AGXT2: variants seen among roughly 807,000 people sequenced by gnomAD.
The protein encoded by AGXT2 is alanine--glyoxylate aminotransferase 2.
Under a neutral mutation model 62.5 loss-of-function variants are expected in AGXT2, and 61 were observed. That is an observed-to-expected ratio of 0.98 (90% confidence interval 0.79 to 1.21). The LOEUF is 1.21. Ranked by LOEUF, AGXT2 falls within the 50% of genes most tolerant of loss-of-function variation. AGXT2 has a pLI of 0.00. For synonymous variants in AGXT2, 243 were observed against 218.7 expected (o/e 1.11, Z -0.98); for missense variants, 666 against 641.5 (o/e 1.04, Z -0.41).
chr5:35,025,798 C>G lies in AGXT2; in HGVS notation c.928G>C (p.Val310Leu), dbSNP rs1292181527. The change falls in exon 9 of 14, where the codon GTG becomes CTG. Residue 310 changes from valine (V) to leucine (L), a missense_variant. Val to Leu is a conservative substitution (Grantham distance 32, BLOSUM62 1). Coordinates refer to ENST00000231420, the MANE Select transcript of AGXT2 (RefSeq NM_031900.4). ...KGFLKEAFEL[V>L]RARGGVCIAD... Reference sequence around the variant, plus strand: ...ATGCACACGCCTCCCCTTGCTCGCACCAGCTCAAAGGCTTCCTTTAGAAAC... The same window carrying G: ...ATGCACACGCCTCCCCTTGCTCGCAGCAGCTCAAAGGCTTCCTTTAGAAAC... 1.2e-6 allele frequency: 2 copies of G among 1,614,050 alleles called. No individual in the cohort carries two copies. Among genetic ancestry groups the G allele is most frequent in the East Asian group, 2.2e-5 (1 of 44,888 alleles).
intron 1 of AGXT2, among the ~76,000 whole-genome samples, chr5:35,046,881 G>A (rs528016213): frequency 3.9e-4 from 59 of 152,182 alleles, no homozygotes; most frequent in African/African-American, 1.3e-3. Flanking sequence ...GAGGAGGTGA[G>A]GCTCTCGTGA....
intron 4 of AGXT2, among the ~76,000 whole-genome samples, chr5:35,036,725 C>A (rs561805227): frequency 1.3e-5 from 2 of 152,308 alleles, no homozygotes; most frequent in East Asian, 3.9e-4. Context: ...GTTTCGCCAG[C>A]AATTCATAAA....
intron 12 of AGXT2, among the ~76,000 whole-genome samples, chr5:35,008,722 G>T (rs184555542): frequency 6.6e-6 from 1 of 152,292 alleles, no homozygotes; most frequent in Non-Finnish European, 1.5e-5. Context: ...GTGACATGTG[G>T]TATGAATTGA....
At position 35,040,644 on chromosome 5, in the gene AGXT2, T is replaced by G. The variant is rs1767948899; in HGVS notation, c.108A>C (p.Ser36=). 1 of 1,613,938 alleles carries G rather than the reference T, an allele frequency of 6.2e-7. No homozygotes were observed. The highest frequency in any genetic ancestry group is 8.5e-7 in the Non-Finnish European group (1 of 1,179,784). The change falls in exon 2 of 14, where the codon TCA becomes TCC. Residue 36 remains serine, a synonymous_variant. Coordinates refer to ENST00000231420, the MANE Select transcript of AGXT2 (RefSeq NM_031900.4). The part of the protein sequence containing the change: ...PFLSLGTSRT[S]VTKLSLHTKP... ...TTGTATGAAGACTGAGCTTGGTTACTGATGTCCGGGAAGTACCTACTGAAA... is the reference window on the plus strand; with the variant it reads ...TTGTATGAAGACTGAGCTTGGTTACGGATGTCCGGGAAGTACCTACTGAAA...
chr5:35,027,702 T>C (rs13158903), intron 7 of AGXT2, among the ~76,000 whole-genome samples: 46,677 of 151,188 alleles, frequency 0.31, 8,077 homozygotes, highest in Non-Finnish European at 0.39. Flanking sequence ...TTTGTGAGAA[T>C]TCTTTGAGGC....
chr5:35,008,658 G>A (rs548081968), intron 12 of AGXT2, among the ~76,000 whole-genome samples: 1 of 152,148 alleles, frequency 6.6e-6, no homozygotes, highest in African/African-American at 2.4e-5. Context: ...TATTTTACTG[G>A]TGTCTTCCCT....
At chr5:35,018,396 A>G (rs916971159) in intron 9 of AGXT2, among the ~76,000 whole-genome samples, 4 of 152,260 alleles carry the variant, frequency 2.6e-5, no homozygotes, top group African/African-American at 9.6e-5. Flanking sequence ...TCTACAAGCC[A>G]GAAGAGAGTG....
chr5:35,029,483 C>T (rs1278908849), intron 7 of AGXT2, among the ~76,000 whole-genome samples: 3 of 152,194 alleles, frequency 2.0e-5, no homozygotes, highest in Admixed American at 6.5e-5. Flanking sequence ...CTTTATTTCG[C>T]ACTAGCTGCA....
Position 35,035,239 on chromosome 5 carries a change from T to C in AGXT2, c.564A>G (p.Ile188Met). 1 of 1,614,144 alleles carries C rather than the reference T, an allele frequency of 6.2e-7. No homozygotes were observed. Residue 188 changes from isoleucine to methionine, a missense_variant, in exon 5 of 14, where the codon ATA (isoleucine) becomes ATG (methionine). Transcript: ENST00000231420. ...GTGATTACCTGAAAGAAATGATGTC[T>C]ATGTTGTTTGAGTGCGCCCTGGCCA... ...MLMARAHSNNIDIISFRGAYH... is the reference protein window; with the variant it reads ...MLMARAHSNNMDIISFRGAYH...
chr5:35,018,641 G>A (rs572403944), intron 9 of AGXT2, among the ~76,000 whole-genome samples: 99 of 151,636 alleles, frequency 6.5e-4, no homozygotes, highest in African/African-American at 1.3e-3. Flanking sequence ...AAAGACCATC[G>A]AGACTAGGAA....
intron 1 of AGXT2, among the ~76,000 whole-genome samples, chr5:35,042,594 A>T (rs1284250711): frequency 6.6e-6 from 1 of 152,196 alleles, no homozygotes; most frequent in Non-Finnish European, 1.5e-5. Flanking sequence ...GCCAGAAAAA[A>T]AATGAAAATC....
chr5:35,044,263 T>C (rs1441623486), intron 1 of AGXT2, among the ~76,000 whole-genome samples: 1 of 152,174 alleles, frequency 6.6e-6, no homozygotes, highest in Non-Finnish European at 1.5e-5. Context: ...AGGGACAGTG[T>C]CTGGTCGGTA....
In AGXT2 at chr5:35,007,427, G is replaced by T. The variant is rs574638480; in HGVS notation, c.1338+2573C>A. ...TACCAGAGGAATTCTCTGAAGGGTG[G>T]ATCTCCTGGATAGAGGAGAAGCAAA... On this transcript the variant is annotated intron_variant, in intron 12 of 13. Coordinates refer to ENST00000231420, the MANE Select transcript of AGXT2 (RefSeq NM_031900.4). Among the ~76,000 whole-genome samples the T allele has an allele frequency of 2.0e-5, 3 of 152,348 alleles. No individual in the cohort carries two copies. The South Asian group carries it at 6.2e-4, about 32-fold the overall frequency.
intron 9 of AGXT2, among the ~76,000 whole-genome samples, chr5:35,019,365 A>G (rs1471715354): frequency 1.3e-5 from 2 of 149,356 alleles, no homozygotes; most frequent in Non-Finnish European, 3.0e-5. Context: ...AGAAATTATA[A>G]CAAACTATCT....
chr5:35,018,072 G>C (rs965500712), intron 9 of AGXT2, among the ~76,000 whole-genome samples: 1 of 152,172 alleles, frequency 6.6e-6, no homozygotes, highest in African/African-American at 2.4e-5. Flanking sequence ...ATGGGACTAT[G>C]TGAAAAGACC....
At position 34,998,780 on chromosome 5, in the gene AGXT2, T is replaced by C. The variant is rs1766122000; in HGVS notation, c.1484A>G (p.Asp495Gly). 6.2e-7 allele frequency: 1 copy of C among 1,613,930 alleles called. No individual in the cohort carries two copies. Among genetic ancestry groups the C allele is most frequent in the African/African-American group, 1.3e-5 (1 of 74,922 alleles). The change falls in exon 14 of 14, where the codon GAT (aspartate) becomes GGT (glycine). Residue 495 changes from aspartate (D) to glycine (G), a missense_variant. Transcript: ENST00000231420. ...PSMCITKPEV[D>G]FAVEVFRSAL... ...AGAACGAAATACTTCTACTGCAAAA[T>C]CAACTTCTGGTTTAGTGATGCACAT...
chr5:35,012,846 A>T, intron 11 of AGXT2, 108 bp downstream of exon 11: 2 of 1,019,232 alleles, frequency 2.0e-6, no homozygotes, highest in Non-Finnish European at 3.0e-6. Flanking sequence ...ACTATGAATT[A>T]ACTCTCCCCT....
chr5:35,018,896 A>G (rs1216883863), intron 9 of AGXT2, among the ~76,000 whole-genome samples: 1 of 145,674 alleles, frequency 6.9e-6, no homozygotes, highest in Non-Finnish European at 1.5e-5. Flanking sequence ...AAGCAAATAG[A>G]AAACAAAAAA....
intron 9 of AGXT2, among the ~76,000 whole-genome samples, chr5:35,024,838 C>T (rs576395615): frequency 8.2e-4 from 124 of 152,082 alleles, no homozygotes; most frequent in African/African-American, 2.8e-3. Context: ...GGTGTGGTGG[C>T]GGATGCCTGT....
Sources: gnomAD v4.1 joint callset for allele counts (sites outside exome capture counted in the v4.1 genomes callset) on GRCh38, gnomAD v4.1.1 for gene constraint, MANE v1.5 for transcripts, NCBI Gene and HGNC (gene_info 2026-07-23, HGNC 2026-07-21) for gene names.